ABHD12B: variants seen among roughly 807,000 people sequenced by gnomAD.
ABHD12B encodes protein ABHD12B.
ABHD12B carries 42 observed loss-of-function variants against 50.4 expected under a neutral mutation model. The observed-to-expected ratio is 0.83, with a 90% CI of 0.65 to 1.08. The LOEUF (loss-of-function observed/expected upper bound fraction) is 1.08, where lower values mean the gene tolerates loss of function less well. ABHD12B is among the 50% of genes least tolerant of loss of function. ABHD12B has a pLI of 0.00. For synonymous variants in ABHD12B, 167 were observed against 160.3 expected (o/e 1.04, Z -0.32); for missense variants, 479 against 447.7 (o/e 1.07, Z -0.63).
At chr14:50,887,319 C>T (rs1234807687) in intron 8 of ABHD12B, among the ~76,000 whole-genome samples, 1 of 151,060 alleles carries the variant, frequency 6.6e-6, no homozygotes, top group Non-Finnish European at 1.5e-5. Context: ...CTTTCTGCAG[C>T]CCTTCTTAGT....
chr14:50,876,439 T>C (rs944742565), intron 1 of ABHD12B, among the ~76,000 whole-genome samples: 1 of 152,164 alleles, frequency 6.6e-6, no homozygotes, highest in Non-Finnish European at 1.5e-5. Flanking sequence ...ATGACTTTGT[T>C]ATCAGAGGGC....
chr14:50,885,778 C>G lies in ABHD12B; in HGVS notation c.545C>G (p.Ser182Cys). The change falls in exon 7 of 13, where the codon TCT becomes TGT. Residue 182 changes from serine to cysteine, a missense_variant. Ser to Cys is a moderately radical substitution (Grantham distance 112, BLOSUM62 -1). Coordinates refer to ENST00000337334, the MANE Select transcript of ABHD12B (RefSeq NM_001206673.2). ...LSVDYRGFGD[S>C]TGKPTEEGLT... ...TTCTTGCTGCCAGGATTTGGGGACT[C>G]TACAGGTAAGCCCACAGAGGAGGGA... is the stretch of plus-strand genomic sequence containing the variant. The G allele has an allele frequency of 1.2e-6, 2 of 1,614,170 alleles. No individual in the cohort carries two copies. Among genetic ancestry groups the G allele is most frequent in the Non-Finnish European group, 1.7e-6 (2 of 1,180,042 alleles).
intron 9 of ABHD12B, chr14:50,893,082 G>T (rs1202141585): frequency 6.6e-6 from 1 of 152,192 alleles, no homozygotes; most frequent in East Asian, 1.9e-4. Context: ...CCATATGCTT[G>T]AAAAGAATGT....
chr14:50,904,068 T>C lies in ABHD12B; in HGVS notation c.943-6T>C. 6.2e-7 allele frequency: 1 copy of C among 1,609,562 alleles called. No individual in the cohort carries two copies. The highest frequency in any genetic ancestry group is 1.7e-5 in the Admixed American group (1 of 59,654). On this transcript the variant is annotated splice_region_variant and splice_polypyrimidine_tract_variant and intron_variant, in intron 11 of 12. Coordinates refer to ENST00000337334, the MANE Select transcript of ABHD12B (RefSeq NM_001206673.2). ...CATCCTTTGAGTCTCTTTCTGTCGC[T>C]TGCAGCTCTATGAAATTGCACGCAA...
rs1173628819 is a variant in ABHD12B, at chr14:50,894,688, G to A, written c.780+5785G>A. 3.3e-5 allele frequency among the ~76,000 whole-genome samples: 5 copies of A among 151,850 alleles called. 1 individual carries two copies. Among genetic ancestry groups the A allele is most frequent in the South Asian group, 4.1e-4 (2 of 4,822 alleles). ...AGGCAAACGGTCTGAGGTGCCTGAC[G>A]TCCAGGCATTCTTTTACACATCAGT... On this transcript the variant is annotated intron_variant, in intron 9 of 12. Transcript: ENST00000337334.
intron 5 of ABHD12B, among the ~76,000 whole-genome samples, chr14:50,884,669 T>A (rs1440533365): frequency 6.6e-6 from 1 of 151,738 alleles, no homozygotes; most frequent in African/African-American, 2.4e-5. Context: ...TCCTTTTTTA[T>A]CTCTCTTTTC....
rs1321823420 is a variant in ABHD12B, at chr14:50,882,382, T to TTTTTTTTTTTTTTTG, written c.486+768_486+769insTTGTTTTTTTTTTTT. On this transcript the variant is annotated intron_variant, in intron 5 of 12. Transcript: ENST00000337334. ...AGACACAGAATGTCTGCTTTTTTTT[T>TTTTTTTTTTTTTTTG]TTTTTTTTTTTTGAGACGGAGTCTC... Among the ~76,000 whole-genome samples the TTTTTTTTTTTTTTTG allele has an allele frequency of 3.0e-5, 4 of 132,594 alleles. 1 individual carries two copies. The highest frequency in any genetic ancestry group is 8.9e-5 in the African/African-American group (3 of 33,858). 87.0% of individuals were successfully genotyped at this position (132,594 alleles called of 152,430 possible). A position where few individuals can be genotyped will look rare whatever the true frequency, so the allele number is the denominator to read the frequency against.
At position 50,877,875 on chromosome 14, in the gene ABHD12B, A is replaced by AAAT. The variant is rs1555322872; in HGVS notation, c.105-77_105-76insAAT. On this transcript the variant is annotated intron_variant, in intron 1 of 12. Coordinates refer to ENST00000337334, the MANE Select transcript of ABHD12B (RefSeq NM_001206673.2). ...AGAGCAGAACTCTGTCCAAAAAAAAACAAAGAAAAAGAAAAAAACAAACCA... is the reference window on the plus strand; with the variant it reads ...AGAGCAGAACTCTGTCCAAAAAAAAAAATCAAAGAAAAAGAAAAAAACAAACCA... 1.2e-4 allele frequency: 165 copies of AAAT among 1,421,958 alleles called. No individual in the cohort carries two copies. The East Asian group carries it at 4.1e-3, about 35-fold the overall frequency. The allele number at this position is 1,421,958 out of a possible 1,614,324, so 88.1% of individuals were successfully genotyped here.
At chr14:50,898,485 TACAG>T (rs1321826518) in intron 9 of ABHD12B, among the ~76,000 whole-genome samples, 2 of 152,158 alleles carry the variant, frequency 1.3e-5, no homozygotes, top group African/African-American at 4.8e-5. Flanking sequence ...CTGGTGGTGT[TACAG>T]AAGAGAGAGG....
Position 50,898,582 on chromosome 14 carries a change from C to T in ABHD12B, c.781-3247C>T, listed in dbSNP as rs540738333. ...TATGACCTGTGAGTCTCAAAGGGCA[C>T]TCCTGGCTGGAAGGGAATGAGGAAT... On this transcript the variant is annotated intron_variant, in intron 9 of 12. Transcript: ENST00000337334. 4.3e-4 allele frequency among the ~76,000 whole-genome samples: 66 copies of T among 152,286 alleles called. No homozygotes were observed. The South Asian group carries it at 0.013, about 31-fold the overall frequency.
chr14:50,885,657 G>C lies in ABHD12B; in HGVS notation c.530G>C (p.Arg177Thr). ...TTTCATGTCTTGTCTGTTGACTACA[G>C]AGGTATGTGTTAAGAACGGTGTACA... ...GGFHVLSVDY[R>T]GFGDSTGKPT... Residue 177 changes from arginine to threonine, a missense_variant and splice_region_variant, in exon 6 of 13, where the codon AGA (arginine) becomes ACA (threonine). By Grantham distance (71) the Arg-to-Thr change is moderately conservative. Transcript: ENST00000337334. The C allele has an allele frequency of 6.2e-7, 1 of 1,614,194 alleles. No individual in the cohort carries two copies. Among genetic ancestry groups the C allele is most frequent in the Non-Finnish European group, 8.5e-7 (1 of 1,180,026 alleles).
rs1342634317 is a variant in ABHD12B at position 50,885,647 on chromosome 14, G to A, written c.520G>A (p.Val174Ile). Residue 174 changes from valine to isoleucine, a missense_variant, in exon 6 of 13, where the codon GTT (valine) becomes ATT (isoleucine). Coordinates refer to ENST00000337334, the MANE Select transcript of ABHD12B (RefSeq NM_001206673.2). ...LSDGGFHVLS[V>I]DYRGFGDSTG... ...TGATGGTGGCTTTCATGTCTTGTCTGTTGACTACAGAGGTATGTGTTAAGA... is the reference window on the plus strand; with the variant it reads ...TGATGGTGGCTTTCATGTCTTGTCTATTGACTACAGAGGTATGTGTTAAGA... The A allele has an allele frequency of 6.2e-7, 1 of 1,614,062 alleles. No individual in the cohort carries two copies. Among genetic ancestry groups the A allele is most frequent in the African/African-American group, 1.3e-5 (1 of 74,910 alleles).
intron 7 of ABHD12B, 54 bp from the exon 8 acceptor site, chr14:50,886,593 T>C (rs1175305280): frequency 2.2e-5 from 34 of 1,540,080 alleles, no homozygotes; most frequent in Non-Finnish European, 2.8e-5. Context: ...TACCAGAAGT[T>C]GCATTTTGTA....
At chr14:50,899,878 C>T (rs1203014496) in intron 9 of ABHD12B, among the ~76,000 whole-genome samples, 7 of 149,950 alleles carry the variant, frequency 4.7e-5, no homozygotes, top group Admixed American at 2.0e-4. Flanking sequence ...GCCAAGATTG[C>T]ACCACTGCAC....
At chr14:50,898,609 AT>A (rs1305801069) in intron 9 of ABHD12B, among the ~76,000 whole-genome samples, 1 of 152,190 alleles carries the variant, frequency 6.6e-6, no homozygotes, top group African/African-American at 2.4e-5. Flanking sequence ...ATGAGGAATA[AT>A]GAGAGTAGAT....
chr14:50,886,793 C>A, intron 8 of ABHD12B, 109 bp downstream of exon 8: 3 of 958,000 alleles, frequency 3.1e-6, no homozygotes, highest in Non-Finnish European at 4.7e-6. Context: ...AAAAGCATCC[C>A]AACTTTAGAT....
At chr14:50,876,128 T>C (rs1382351794) in intron 1 of ABHD12B, among the ~76,000 whole-genome samples, 2 of 152,192 alleles carry the variant, frequency 1.3e-5, no homozygotes, top group South Asian at 2.1e-4. Context: ...CAATGTCCTC[T>C]CCTTCCTGCC....
chr14:50,903,681 A>G (rs2050293316), intron 11 of ABHD12B, among the ~76,000 whole-genome samples: 2 of 152,166 alleles, frequency 1.3e-5, no homozygotes, highest in South Asian at 4.1e-4. Flanking sequence ...CTGGCTCCTC[A>G]TCTGGATTGT....
chr14:50,875,207 T>C (rs2049844554), intron 1 of ABHD12B, among the ~76,000 whole-genome samples: 2 of 152,170 alleles, frequency 1.3e-5, no homozygotes, highest in Non-Finnish European at 2.9e-5. Context: ...GAGGTCACCA[T>C]GGAATGATCT....
Sources: allele counts gnomAD v4.1 joint callset (sites outside exome capture counted in the v4.1 genomes callset), GRCh38; gene constraint gnomAD v4.1.1; transcripts MANE v1.5; gene names NCBI Gene and HGNC (gene_info 2026-07-23, HGNC 2026-07-21).